GTPBP10: variants seen among roughly 807,000 people sequenced by gnomAD.
GTPBP10 encodes the protein GTP binding protein 10.
Under a neutral mutation model 44.8 loss-of-function variants are expected in GTPBP10, and 38 were observed. That is an observed-to-expected ratio of 0.85 (90% CI 0.65 to 1.11). GTPBP10 has a LOEUF of 1.11. Ranked by LOEUF, GTPBP10 falls within the 50% of genes most tolerant of loss-of-function variation. GTPBP10 has a pLI of 0.00. For synonymous variants in GTPBP10, 152 were observed against 150.6 expected (o/e 1.01, Z -0.07); for missense variants, 462 against 453.7 (o/e 1.02, Z -0.17).
chr7:90,363,461 C>T (rs1796068074), intron 4 of GTPBP10, among the ~76,000 whole-genome samples: 1 of 152,148 alleles, frequency 6.6e-6, no homozygotes, highest in African/African-American at 2.4e-5. Context: ...TGAATATTGG[C>T]CCCCACTCTC....
At chr7:90,378,443 G>A (rs7797560) in intron 8 of GTPBP10, 165,721 of 170,726 alleles carry the variant, frequency 0.97, 80,466 homozygotes, top group East Asian at 1. Context: ...TACTTCCCAG[G>A]TTTTTATCTT....
chr7:90,378,332 A>C, intron 8 of GTPBP10, 121 bp downstream of exon 8: 1 of 1,256,792 alleles, frequency 8.0e-7, no homozygotes. Flanking sequence ...TGTCAGTTAA[A>C]GAATTACTTA....
chr7:90,367,310 C>G (rs912520705), intron 4 of GTPBP10, among the ~76,000 whole-genome samples: 4 of 152,098 alleles, frequency 2.6e-5, no homozygotes, highest in African/African-American at 9.7e-5. Context: ...CTGGTTGGTC[C>G]AGAGCTGAGT....
At chr7:90,363,290 G>A (rs1488175431) in intron 4 of GTPBP10, among the ~76,000 whole-genome samples, 3 of 152,176 alleles carry the variant, frequency 2.0e-5, no homozygotes, top group Non-Finnish European at 4.4e-5. Context: ...TCCTTTCCAT[G>A]TTTAGTGCTT....
chr7:90,349,722 C>T (rs781149819), intron 1 of GTPBP10, among the ~76,000 whole-genome samples: 1 of 152,142 alleles, frequency 6.6e-6, no homozygotes, highest in African/African-American at 2.4e-5. Flanking sequence ...CCCTTCTCTT[C>T]CTTACTAATG....
intron 9 of GTPBP10, among the ~76,000 whole-genome samples, chr7:90,383,359 G>A (rs1448437841): frequency 6.6e-6 from 1 of 152,212 alleles, no homozygotes; most frequent in Non-Finnish European, 1.5e-5. Flanking sequence ...TAAGGCATAT[G>A]TGGGATTTGA....
intron 7 of GTPBP10, among the ~76,000 whole-genome samples, 172 bp downstream of exon 7, chr7:90,377,786 C>T (rs1439673320): frequency 6.6e-6 from 1 of 152,014 alleles, no homozygotes; most frequent in Non-Finnish European, 1.5e-5. Flanking sequence ...TAAGTTTGGC[C>T]ATACTTGCCA....
At chr7:90,381,002 G>A (rs1796427166) in intron 8 of GTPBP10, among the ~76,000 whole-genome samples, 1 of 152,074 alleles carries the variant, frequency 6.6e-6, no homozygotes, top group Admixed American at 6.5e-5. Context: ...TCAGTTGTGT[G>A]TGTGTATACC....
At chr7:90,357,870 GTA>G (rs1461730245) in intron 4 of GTPBP10, among the ~76,000 whole-genome samples, 1 of 152,126 alleles carries the variant, frequency 6.6e-6, no homozygotes, top group East Asian at 1.9e-4. Flanking sequence ...ATTTTATCTG[GTA>G]TTTCTTCATG....
chr7:90,366,037 G>A (rs529606730), intron 4 of GTPBP10, among the ~76,000 whole-genome samples: 32 of 152,194 alleles, frequency 2.1e-4, no homozygotes, highest in East Asian at 1.9e-4. Flanking sequence ...GGTTTTTGTC[G>A]TTGCTTCTGT....
chr7:90,377,651 A>G (rs772409579), intron 7 of GTPBP10, 37 bp downstream of exon 7: 8 of 1,325,288 alleles, frequency 6.0e-6, no homozygotes, highest in Non-Finnish European at 8.4e-6. Context: ...ATTCAAATAA[A>G]TTGAAAACCA....
At chr7:90,368,425 A>C (rs1796180390) in intron 4 of GTPBP10, among the ~76,000 whole-genome samples, 1 of 152,152 alleles carries the variant, frequency 6.6e-6, no homozygotes, top group African/African-American at 2.4e-5. Context: ...CAGTACACTA[A>C]TCAGACATAG....
Position 90,355,220 on chromosome 7 carries a change from G to A in GTPBP10, c.454G>A (p.Gly152Ser). Reference protein sequence around the residue: ...HLDLKLIADVGLVGFPNAGKS... With the variant: ...HLDLKLIADVSLVGFPNAGKS... Reference sequence around the variant, plus strand: ...TGATCTAAAACTTATAGCTGATGTAGGCCTAGTAGGGTAAGTATCGTTCAT... The same window carrying A: ...TGATCTAAAACTTATAGCTGATGTAAGCCTAGTAGGGTAAGTATCGTTCAT... The change falls in exon 4 of 10, where the codon GGC becomes AGC. Residue 152 changes from glycine to serine, a missense_variant. Physicochemically the swap from Gly to Ser is moderately conservative, Grantham distance 56 (BLOSUM62 0). Coordinates refer to ENST00000222511, the MANE Select transcript of GTPBP10 (RefSeq NM_033107.4). 6.3e-7 allele frequency: 1 copy of A among 1,580,854 alleles called. No homozygotes were observed. Among genetic ancestry groups the A allele is most frequent in the South Asian group, 1.2e-5 (1 of 86,310 alleles).
intron 4 of GTPBP10, among the ~76,000 whole-genome samples, chr7:90,368,993 TG>T (rs1350884137): frequency 6.6e-6 from 1 of 152,232 alleles, no homozygotes; most frequent in African/African-American, 2.4e-5. Context: ...ATGTGCTTTT[TG>T]TTGATGTTGA....
intron 7 of GTPBP10, chr7:90,377,837 T>C (rs1292609271): frequency 8.1e-6 from 2 of 248,390 alleles, no homozygotes; most frequent in Non-Finnish European, 1.3e-5. Flanking sequence ...TACCATATTA[T>C]ATAGTATCAT....
chr7:90,379,036 ATCT>A (rs1476845500), intron 8 of GTPBP10, among the ~76,000 whole-genome samples: 5 of 152,126 alleles, frequency 3.3e-5, no homozygotes, highest in African/African-American at 1.2e-4. Context: ...CCCATCGGAC[ATCT>A]TCTTTGACTA....
intron 6 of GTPBP10, 64 bp downstream of exon 6, chr7:90,374,418 TG>T: frequency 3.9e-6 from 4 of 1,030,528 alleles, no homozygotes; most frequent in Non-Finnish European, 6.0e-6. Context: ...GGTACGTACT[TG>T]GATATTATAG....
chr7:90,347,581 CTTAAG>C (rs956043921), intron 1 of GTPBP10: 6 of 502,436 alleles, frequency 1.2e-5, no homozygotes, highest in Non-Finnish European at 1.5e-5. Flanking sequence ...GAAATTACTC[CTTAAG>C]TTATTTTGAT....
At chr7:90,355,918 G>T (rs1020932115) in intron 4 of GTPBP10, among the ~76,000 whole-genome samples, 3 of 152,088 alleles carry the variant, frequency 2.0e-5, no homozygotes, top group Non-Finnish European at 4.4e-5. Context: ...ATACATAAAG[G>T]AAGAGAAAAC....
Sources: allele counts gnomAD v4.1 joint callset (sites outside exome capture counted in the v4.1 genomes callset), GRCh38; gene constraint gnomAD v4.1.1; transcripts MANE v1.5; gene names NCBI Gene and HGNC (gene_info 2026-07-23, HGNC 2026-07-21).